The following CTTNBP2NL variants were observed in gnomAD, a reference collection of about 807,000 sequenced individuals.
CTTNBP2NL encodes the protein CTTNBP2 N-terminal-like protein.
A neutral mutation model predicts 32.5 loss-of-function variants in CTTNBP2NL; 16 were observed. That is an observed-to-expected ratio of 0.49 (90% confidence interval 0.33 to 0.75). The LOEUF (loss-of-function observed/expected upper bound fraction) is 0.75. CTTNBP2NL is among the 30% of genes least tolerant of loss of function. CTTNBP2NL has a pLI of 0.02. For synonymous variants in CTTNBP2NL, 298 were observed against 289.4 expected, an observed-to-expected ratio of 1.03 and a Z score of -0.30; for missense variants, 645 against 756.0, an observed-to-expected ratio of 0.85 and a Z score of 1.72.
At chr1:112,407,944 A>G (rs1320228989) in intron 1 of CTTNBP2NL, among the ~76,000 whole-genome samples, 1 of 141,672 alleles carries the variant, frequency 7.1e-6, no homozygotes, top group Non-Finnish European at 1.5e-5. Context: ...ACCCGGGCTC[A>G]CGCAATTCTC....
intron 3 of CTTNBP2NL, among the ~76,000 whole-genome samples, chr1:112,429,648 A>T (rs1477403952): frequency 6.6e-6 from 1 of 152,234 alleles, no homozygotes; most frequent in East Asian, 1.9e-4. Context: ...GTATATGTGT[A>T]AAGATACCCA....
intron 1 of CTTNBP2NL, among the ~76,000 whole-genome samples, chr1:112,397,995 C>T (rs1648380781): frequency 6.6e-6 from 1 of 152,142 alleles, no homozygotes; most frequent in South Asian, 2.1e-4. Flanking sequence ...TAAGAAAGTA[C>T]AAAGAAGAAA....
intron 1 of CTTNBP2NL, among the ~76,000 whole-genome samples, chr1:112,398,097 G>A (rs1357973213): frequency 2.0e-5 from 3 of 152,072 alleles, no homozygotes; most frequent in Admixed American, 2.0e-4. Flanking sequence ...ACTAAAAGCA[G>A]AACAGAAAAT....
intron 2 of CTTNBP2NL, among the ~76,000 whole-genome samples, chr1:112,413,175 G>A (rs927832595): frequency 3.3e-5 from 5 of 152,066 alleles, no homozygotes; most frequent in Non-Finnish European, 7.4e-5. Flanking sequence ...AACACTTTAA[G>A]TACAATATAA....
At chr1:112,411,823 C>T (rs1209669890) in intron 1 of CTTNBP2NL, among the ~76,000 whole-genome samples, 1 of 152,108 alleles carries the variant, frequency 6.6e-6, no homozygotes, top group Non-Finnish European at 1.5e-5. Context: ...GCTGGGACCA[C>T]AGGCACCCGC....
At chr1:112,415,908 T>A in intron 2 of CTTNBP2NL, 1 of 381,530 alleles carries the variant, frequency 2.6e-6, no homozygotes. Flanking sequence ...TAAACGTGTC[T>A]GGAGGAAATA....
upstream of CTTNBP2NL, among the ~76,000 whole-genome samples, chr1:112,396,014 C>T (rs1648310374): frequency 6.6e-6 from 1 of 152,248 alleles, no homozygotes; most frequent in Non-Finnish European, 1.5e-5. Context: ...GCGCTTCCTC[C>T]CGGAAGTGAC....
chr1:112,418,844 T>C (rs1022561290), intron 3 of CTTNBP2NL, among the ~76,000 whole-genome samples: 1 of 152,080 alleles, frequency 6.6e-6, no homozygotes. Flanking sequence ...ATCTGAAAAA[T>C]AGATTTGACT....
intron 3 of CTTNBP2NL, among the ~76,000 whole-genome samples, chr1:112,436,655 A>G (rs548793402): frequency 6.9e-5 from 2 of 29,114 alleles, no homozygotes; most frequent in East Asian, 0.017. Context: ...CCTTTAGTAC[A>G]CTTTTTTTTT....
At chr1:112,395,115 G>T (rs981349015), upstream of CTTNBP2NL, among the ~76,000 whole-genome samples, 1 of 152,224 alleles carries the variant, frequency 6.6e-6, no homozygotes, top group African/African-American at 2.4e-5. Context: ...GCAAGCACTA[G>T]GTCCCTAATG....
At chr1:112,413,009 C>T (rs1447999317) in intron 2 of CTTNBP2NL, among the ~76,000 whole-genome samples, 1 of 152,106 alleles carries the variant, frequency 6.6e-6, no homozygotes, top group Non-Finnish European at 1.5e-5. Flanking sequence ...TAAAAGAATT[C>T]TTCTTTGTCA....
At chr1:112,402,036 C>T (rs539693932) in intron 1 of CTTNBP2NL, among the ~76,000 whole-genome samples, 3 of 152,270 alleles carry the variant, frequency 2.0e-5, no homozygotes, top group East Asian at 1.9e-4. Flanking sequence ...CCGTGAGCTT[C>T]GGGAGCATCT....
intron 1 of CTTNBP2NL, among the ~76,000 whole-genome samples, chr1:112,405,770 C>T (rs1244614710): frequency 6.6e-6 from 1 of 152,188 alleles, no homozygotes; most frequent in East Asian, 1.9e-4. Context: ...CACACTTACA[C>T]ATTCACACAT....
Position 112,448,999 on chromosome 1 carries a change from C to T in CTTNBP2NL, c.157C>T (p.Pro53Ser). 1 of 1,613,342 alleles carries T rather than the reference C, an allele frequency of 6.2e-7. No individual in the cohort carries two copies. Among genetic ancestry groups the T allele is most frequent in the East Asian group, 2.2e-5 (1 of 44,884 alleles). The change falls in exon 4 of 6, where the codon CCT becomes TCT. Residue 53 changes from proline (P) to serine (S), a missense_variant. Transcript: ENST00000271277. ...CTATGGAAAATATAACATCAGTGAT[C>T]CTTTAATGGCTCTACAGAGAGATTT... is the stretch of plus-strand genomic sequence containing the variant. ...ERYGKYNISDPLMALQRDFET... is the reference protein window; with the variant it reads ...ERYGKYNISDSLMALQRDFET...
chr1:112,421,310 C>CTTTTCTTTTTT (rs1553224539), intron 3 of CTTNBP2NL, among the ~76,000 whole-genome samples: 3 of 115,932 alleles, frequency 2.6e-5, no homozygotes, highest in South Asian at 3.0e-4. Flanking sequence ...CATTTCTTTT[C>CTTTTCTTTTTT]TTTTTTTTTT....
rs1557900573 is a variant in CTTNBP2NL at position 112,458,171 on chromosome 1, A to G, written c.*759A>G. On this transcript the variant is annotated 3_prime_UTR_variant, in exon 6 of 6. Transcript: ENST00000271277. Reference sequence around the variant, plus strand: ...ACATCTCCATTCAAAAAATGTCTCAAGCATCTACTGTTGTGTAAGGAACTT... The same window carrying G: ...ACATCTCCATTCAAAAAATGTCTCAGGCATCTACTGTTGTGTAAGGAACTT... 6.5e-6 allele frequency: 1 copy of G among 152,676 alleles called. No homozygotes were observed. Among genetic ancestry groups the G allele is most frequent in the African/African-American group, 2.4e-5 (1 of 41,472 alleles). The allele number at this position is 152,676 out of a possible 1,614,324, so 9.5% of individuals were successfully genotyped here.
Position 112,456,189 on chromosome 1 carries a change from G to A in CTTNBP2NL, c.697G>A (p.Ala233Thr), listed in dbSNP as rs1015524286. Residue 233 changes from alanine (A) to threonine (T), a missense_variant, in exon 6 of 6, where the codon GCC (alanine) becomes ACC (threonine). Ala to Thr is a moderately conservative substitution (Grantham distance 58). Coordinates refer to ENST00000271277, the MANE Select transcript of CTTNBP2NL (RefSeq NM_018704.3). ...AERKRGLQTEAQVEKQLSEFD... is the reference protein window; with the variant it reads ...AERKRGLQTETQVEKQLSEFD... Reference sequence around the variant, plus strand: ...GAGAAAGAGAGGCTTGCAGACTGAGGCCCAGGTAGAGAAGCAGTTATCAGA... The same window carrying A: ...GAGAAAGAGAGGCTTGCAGACTGAGACCCAGGTAGAGAAGCAGTTATCAGA... The A allele has an allele frequency of 1.2e-6, 2 of 1,614,094 alleles. No homozygotes were observed. The highest frequency in any genetic ancestry group is 1.7e-5 in the Admixed American group (1 of 60,010).
rs772748371 is a variant in CTTNBP2NL, at chr1:112,449,083, T to C, written c.241T>C (p.Ser81Pro). 3.1e-6 allele frequency: 5 copies of C among 1,613,664 alleles called. No homozygotes were observed. The South Asian group carries it at 5.5e-5, about 18-fold the overall frequency. ...EKQPVCTNPL[S>P]ILKVVMKQCK... ...GCAGCCAGTCTGCACAAATCCACTC[T>C]CTATTCTTAAGGTTGTGATGAAGCA... Residue 81 changes from serine (S) to proline (P), a missense_variant, in exon 4 of 6, where the codon TCT becomes CCT. By Grantham distance (74) the Ser-to-Pro change is moderately conservative. Coordinates refer to ENST00000271277, the MANE Select transcript of CTTNBP2NL (RefSeq NM_018704.3).
intron 3 of CTTNBP2NL, among the ~76,000 whole-genome samples, chr1:112,431,718 A>G (rs1432191416): frequency 2.0e-5 from 3 of 152,200 alleles, no homozygotes; most frequent in African/African-American, 7.2e-5. Flanking sequence ...TTTTAATGAG[A>G]AAGAAAGCTA....
Sources: allele counts gnomAD v4.1 joint callset (sites outside exome capture counted in the v4.1 genomes callset), GRCh38; gene constraint gnomAD v4.1.1; transcripts MANE v1.5; gene names NCBI Gene and HGNC (gene_info 2026-07-23, HGNC 2026-07-21).